Variants in BRD10 observed in about 807,000 individuals in gnomAD.
BRD10 encodes bromodomain containing 10, also known as uncharacterized bromodomain-containing protein 10.
the BRD10 span, among the ~76,000 whole-genome samples, chr9:5,965,984 A>G: frequency 6.6e-6 from 1 of 152,312 alleles, no homozygotes; most frequent in South Asian, 2.1e-4. Flanking sequence ...TAACTGATGA[A>G]AAAAGGGAAT....
chr9:5,936,348 C>A, the BRD10 span, among the ~76,000 whole-genome samples: 1 of 152,280 alleles, frequency 6.6e-6, no homozygotes, highest in East Asian at 1.9e-4. Context: ...GAGTGAGACC[C>A]TGTCTCAAAA....
At chr9:6,007,135 C>A in the BRD10 span, 1 of 1,528,072 alleles carries the variant, frequency 6.5e-7, no homozygotes, top group Non-Finnish European at 8.9e-7. Context: ...CATCCTCGGG[C>A]ACGTGTGAGT....
the BRD10 span, among the ~76,000 whole-genome samples, chr9:5,894,051 A>C: frequency 2.0e-5 from 3 of 152,116 alleles, no homozygotes; most frequent in Non-Finnish European, 4.4e-5. This position sits in a 1 kb window ranked among gnomAD's most constrained non-coding sequence, Gnocchi z 4.0. Flanking sequence ...TCCAGAGTCC[A>C]TGCTCTTAAG....
chr9:5,884,657 C>T, the BRD10 span, among the ~76,000 whole-genome samples: 453 of 152,294 alleles, frequency 3.0e-3, 5 homozygotes, highest in East Asian at 0.038. Context: ...ACCAATACCC[C>T]CACTGTACCC....
chr9:5,892,436 G>A, the BRD10 span: 4 of 1,588,772 alleles, frequency 2.5e-6, no homozygotes, highest in East Asian at 2.2e-5. Flanking sequence ...ATGCCCACAT[G>A]CTCCTTCTGT....
At chr9:5,951,371 A>C in the BRD10 span, among the ~76,000 whole-genome samples, 1 of 151,922 alleles carries the variant, frequency 6.6e-6, no homozygotes, top group Non-Finnish European at 1.5e-5. Context: ...ATTTATCTCT[A>C]TCTAAGCATG....
chr9:6,002,315 T>C, the BRD10 span, among the ~76,000 whole-genome samples: 19 of 152,306 alleles, frequency 1.2e-4, no homozygotes, highest in African/African-American at 4.6e-4. Context: ...CACTATTTTT[T>C]AAAGAATGGC....
the BRD10 span, among the ~76,000 whole-genome samples, chr9:5,889,142 T>C: frequency 2.6e-5 from 4 of 152,200 alleles, no homozygotes; most frequent in Non-Finnish European, 5.9e-5. Flanking sequence ...TTGCACCGAA[T>C]AGTACAACAC....
chr9:5,903,350 T>G, the BRD10 span, among the ~76,000 whole-genome samples: 6 of 152,356 alleles, frequency 3.9e-5, no homozygotes, highest in Admixed American at 2.0e-4. Context: ...ATCGAAGATT[T>G]TGTTGAGTTC....
the BRD10 span, chr9:5,892,384 C>T: frequency 8.4e-7 from 1 of 1,196,608 alleles, no homozygotes; most frequent in Non-Finnish European, 1.2e-6. Flanking sequence ...TGTTGTGGGT[C>T]TTTATGAGAT....
the BRD10 span, among the ~76,000 whole-genome samples, chr9:5,994,276 T>C: frequency 6.6e-6 from 1 of 152,192 alleles, no homozygotes; most frequent in Admixed American, 6.5e-5. Flanking sequence ...AGTATCCATA[T>C]ATGATTTATA....
the BRD10 span, chr9:5,899,378 G>A: frequency 6.6e-6 from 1 of 152,168 alleles, no homozygotes; most frequent in Non-Finnish European, 1.5e-5. Context: ...GCAGTCTCAT[G>A]TCTCATGTCT....
chr9:5,986,016 G>C, the BRD10 span, among the ~76,000 whole-genome samples: 3 of 152,080 alleles, frequency 2.0e-5, no homozygotes, highest in African/African-American at 7.2e-5. Context: ...GGACATGCAG[G>C]TTTGTTACAC....
chr9:5,991,862 G>A, the BRD10 span, among the ~76,000 whole-genome samples: 1 of 151,986 alleles, frequency 6.6e-6, no homozygotes, highest in Non-Finnish European at 1.5e-5. Context: ...TACCTCTCCA[G>A]GCCTAATTTT....
At chr9:5,884,860 C>T in the BRD10 span, among the ~76,000 whole-genome samples, 5 of 152,298 alleles carry the variant, frequency 3.3e-5, no homozygotes, top group East Asian at 1.9e-4. Flanking sequence ...TGCTCACCTG[C>T]GAGACTTGGG....
chr9:5,881,238 G>A, the BRD10 span, among the ~76,000 whole-genome samples: 1 of 152,110 alleles, frequency 6.6e-6, no homozygotes, highest in African/African-American at 2.4e-5. Flanking sequence ...AGAGTCAAAT[G>A]CCCCTCTCAA....
the BRD10 span, among the ~76,000 whole-genome samples, chr9:5,946,315 C>T: frequency 6.6e-6 from 1 of 151,676 alleles, no homozygotes; most frequent in East Asian, 1.9e-4. Flanking sequence ...TTTAAATAAC[C>T]CAGATTAAAC....
the BRD10 span, among the ~76,000 whole-genome samples, chr9:5,942,990 G>A: frequency 3.3e-5 from 5 of 152,200 alleles, no homozygotes; most frequent in South Asian, 1.0e-3. Context: ...TGATCCTCCT[G>A]CCTCAGCCTC....
At chr9:5,961,811 C>T in the BRD10 span, among the ~76,000 whole-genome samples, 11 of 152,016 alleles carry the variant, frequency 7.2e-5, no homozygotes, top group African/African-American at 2.7e-4. Context: ...TAAATATTAC[C>T]CAAACTGCCT....
Sources: allele counts gnomAD v4.1 joint callset (sites outside exome capture counted in the v4.1 genomes callset), GRCh38; gene constraint gnomAD v4.1.1; non-coding constraint Gnocchi (gnomAD v3.1); transcripts MANE v1.5; gene names NCBI Gene and HGNC (gene_info 2026-07-23, HGNC 2026-07-21).